The following PLPP1 variants were observed in gnomAD, a reference collection of about 807,000 sequenced individuals.
The protein encoded by PLPP1 is lipid phosphate phosphohydrolase 1a.
A neutral mutation model predicts 31.2 loss-of-function variants in PLPP1; 24 were observed. The observed-to-expected ratio is 0.77, with a 90% confidence interval of 0.56 to 1.08. The LOEUF is 1.08. Among genes scored for constraint, PLPP1 ranks in the 50% least tolerant of loss-of-function variants. The probability of loss-of-function intolerance (pLI) is 0.00; values close to 1 mark genes in which losing one functional copy is unlikely to be tolerated. For missense variants in PLPP1, 319 were observed against 342.7 expected (o/e 0.93, Z 0.55); for synonymous variants, 146 against 126.3 (o/e 1.16, Z -1.05).
intron 3 of PLPP1, among the ~76,000 whole-genome samples, chr5:55,450,566 G>C (rs563610167): frequency 6.6e-6 from 1 of 152,316 alleles, no homozygotes; most frequent in Non-Finnish European, 1.5e-5. Context: ...TACTGTAACA[G>C]ATGAGGAGAG....
At chr5:55,479,819 T>C (rs1752634589) in intron 1 of PLPP1, among the ~76,000 whole-genome samples, 1 of 152,200 alleles carries the variant, frequency 6.6e-6, no homozygotes, top group South Asian at 2.1e-4. Context: ...AATTTAACCA[T>C]TCCTCCTACT....
intron 1 of PLPP1, among the ~76,000 whole-genome samples, chr5:55,518,128 C>T (rs1014541441): frequency 6.6e-6 from 1 of 152,176 alleles, no homozygotes; most frequent in African/African-American, 2.4e-5. Flanking sequence ...CCACCGCACC[C>T]AGCCCTAAGA....
In PLPP1 at chr5:55,425,986, T is replaced by C; in HGVS notation, c.603A>G (p.Thr201=). Residue 201 remains threonine, a synonymous_variant, in exon 5 of 6, where the codon ACA becomes ACG. Coordinates refer to ENST00000307259, the MANE Select transcript of PLPP1 (RefSeq NM_003711.4). ...KGDWARLLRP[T]LQFGLVAVSI... The stretch of plus-strand genomic sequence containing the variant: ...ATACGGCAACAAGACCAAATTGCAG[T>C]GTGGGGCGTAAGAGTCTTGCCCAGT... 6 of 1,613,776 alleles carry C rather than the reference T, an allele frequency of 3.7e-6. No individual in the cohort carries two copies. The highest frequency in any genetic ancestry group is 2.2e-5 in the East Asian group (1 of 44,868).
intron 1 of PLPP1, chr5:55,530,782 ACG>A: frequency 6.5e-7 from 1 of 1,529,876 alleles, no homozygotes. Flanking sequence ...TCTACAGAAA[ACG>A]TGCTGACAGG....
At chr5:55,465,607 C>T (rs1034296627) in intron 3 of PLPP1, among the ~76,000 whole-genome samples, 9 of 152,060 alleles carry the variant, frequency 5.9e-5, no homozygotes, top group African/African-American at 2.2e-4. Flanking sequence ...TGTGTTGGGC[C>T]GCATTCAAAG....
At chr5:55,446,340 TAATC>T (rs1751764278) in intron 3 of PLPP1, among the ~76,000 whole-genome samples, 2 of 152,360 alleles carry the variant, frequency 1.3e-5, no homozygotes, top group Admixed American at 1.3e-4. Flanking sequence ...CTAATCTGCT[TAATC>T]AATATGTTAC....
At chr5:55,469,381 T>C (rs2111792603) in intron 2 of PLPP1, among the ~76,000 whole-genome samples, 1 of 151,704 alleles carries the variant, frequency 6.6e-6, no homozygotes, top group East Asian at 1.9e-4. Flanking sequence ...CCCCAGCTAC[T>C]TGGGAAACTG....
At chr5:55,449,005 G>C (rs543356314) in intron 3 of PLPP1, among the ~76,000 whole-genome samples, 1 of 152,234 alleles carries the variant, frequency 6.6e-6, no homozygotes, top group East Asian at 1.9e-4. Context: ...CAAGAAAAAA[G>C]TCTGTATACG....
intron 3 of PLPP1, among the ~76,000 whole-genome samples, chr5:55,444,370 C>T (rs147816175): frequency 6.6e-6 from 1 of 152,126 alleles, no homozygotes; most frequent in Non-Finnish European, 1.5e-5. Flanking sequence ...CGTGAGCCAC[C>T]GCGCCCGGCC....
intron 1 of PLPP1, among the ~76,000 whole-genome samples, chr5:55,482,722 G>A (rs1040454498): frequency 1.3e-5 from 2 of 152,166 alleles, no homozygotes; most frequent in Non-Finnish European, 1.5e-5. Context: ...CCTCTGCTAT[G>A]CAGGGTAAAA....
intron 1 of PLPP1, among the ~76,000 whole-genome samples, chr5:55,511,138 A>G (rs1753395869): frequency 6.6e-6 from 1 of 152,206 alleles, no homozygotes; most frequent in Non-Finnish European, 1.5e-5. Context: ...CAGCATATTC[A>G]TTGCCTAATA....
At chr5:55,488,655 A>G (rs1752823958) in intron 1 of PLPP1, among the ~76,000 whole-genome samples, 1 of 152,176 alleles carries the variant, frequency 6.6e-6, no homozygotes, top group Non-Finnish European at 1.5e-5. Context: ...CAAAAAAATA[A>G]AAATAAAAAA....
intron 1 of PLPP1, among the ~76,000 whole-genome samples, chr5:55,500,033 A>G (rs548714069): frequency 9.2e-5 from 14 of 151,878 alleles, no homozygotes; most frequent in Non-Finnish European, 1.5e-4. Flanking sequence ...ACCAAGCAAA[A>G]TAAGTAAAAA....
intron 3 of PLPP1, among the ~76,000 whole-genome samples, chr5:55,445,457 A>T (rs141599761): frequency 5.2e-4 from 76 of 145,358 alleles, no homozygotes; most frequent in African/African-American, 1.9e-3. Context: ...CCTCCTCCCT[A>T]CTCTCCAAAG....
intron 1 of PLPP1, among the ~76,000 whole-genome samples, chr5:55,495,761 GTCCA>G (rs2111866161): frequency 6.6e-6 from 1 of 152,124 alleles, no homozygotes. Flanking sequence ...ACAGAGGAAT[GTCCA>G]TCCCTCCAGA....
intron 1 of PLPP1, among the ~76,000 whole-genome samples, chr5:55,510,142 G>T (rs1249985026): frequency 6.6e-6 from 1 of 152,082 alleles, no homozygotes; most frequent in African/African-American, 2.4e-5. Context: ...ATGGAACTAG[G>T]GTTAGAAGTG....
chr5:55,494,194 GGAGA>G (rs1015805795), intron 1 of PLPP1, among the ~76,000 whole-genome samples: 16 of 151,502 alleles, frequency 1.1e-4, no homozygotes, highest in Middle Eastern at 3.4e-3. Context: ...AAAAAAAAAG[GGAGA>G]GAGAGAGCAA....
intron 4 of PLPP1, among the ~76,000 whole-genome samples, 178 bp downstream of exon 4, chr5:55,441,673 C>T (rs747081340): frequency 1.3e-5 from 2 of 152,228 alleles, no homozygotes; most frequent in Non-Finnish European, 2.9e-5. Context: ...CTTCAGGAAA[C>T]GTCCCAAAGT....
At chr5:55,448,286 C>T (rs938964422) in intron 3 of PLPP1, among the ~76,000 whole-genome samples, 1 of 152,104 alleles carries the variant, frequency 6.6e-6, no homozygotes, top group Non-Finnish European at 1.5e-5. Flanking sequence ...TGAGCACTCT[C>T]ATATTGCACA....
Sources: gnomAD v4.1 joint callset for allele counts (sites outside exome capture counted in the v4.1 genomes callset) on GRCh38, gnomAD v4.1.1 for gene constraint, MANE v1.5 for transcripts, NCBI Gene and HGNC (gene_info 2026-07-23, HGNC 2026-07-21) for gene names.